The following GPR158 variants were observed in gnomAD, a reference collection of about 807,000 sequenced individuals.
The protein encoded by GPR158 is G protein-coupled receptor 158.
Under a neutral mutation model 78.2 loss-of-function variants are expected in GPR158, and 30 were observed. That is an observed-to-expected ratio of 0.38 (90% CI 0.29 to 0.52). The LOEUF (loss-of-function observed/expected upper bound fraction) is 0.52, where lower values mean the gene tolerates loss of function less well. Ranked by LOEUF, GPR158 falls within the 20% of genes least tolerant of loss-of-function variation. The pLI, the probability that GPR158 is intolerant of heterozygous loss-of-function variation, is 0.83. For missense variants in GPR158, 1,463 were observed against 1,523.5 expected (o/e 0.96, Z 0.66); for synonymous variants, 581 against 591.1 (o/e 0.98, Z 0.25).
At chr10:25,197,550 T>G (rs1469858289) in intron 1 of GPR158, among the ~76,000 whole-genome samples, 4 of 152,192 alleles carry the variant, frequency 2.6e-5, no homozygotes, top group Admixed American at 2.6e-4. Context: ...AAGATATATC[T>G]TTGCTTGAAA....
chr10:25,459,832 C>CAAAAAA, intron 4 of GPR158, among the ~76,000 whole-genome samples: 1 of 151,494 alleles, frequency 6.6e-6, no homozygotes, highest in Non-Finnish European at 1.5e-5. Flanking sequence ...TATAATTTGA[C>CAAAAAA]ATATTTTTTT....
intron 5 of GPR158, among the ~76,000 whole-genome samples, chr10:25,487,099 T>G (rs1485127164): frequency 1.3e-5 from 2 of 152,036 alleles, no homozygotes; most frequent in African/African-American, 4.8e-5. Context: ...TTCCTGGGAT[T>G]AAGAGGTGGA....
At chr10:25,422,792 G>A (rs1380656974) in intron 4 of GPR158, among the ~76,000 whole-genome samples, 2 of 151,454 alleles carry the variant, frequency 1.3e-5, no homozygotes, top group African/African-American at 4.9e-5. Flanking sequence ...TGAGATTTTG[G>A]TGCACCCATC....
At chr10:25,444,694 AT>A (rs1199849022) in intron 4 of GPR158, among the ~76,000 whole-genome samples, 1 of 151,952 alleles carries the variant, frequency 6.6e-6, no homozygotes, top group Non-Finnish European at 1.5e-5. Flanking sequence ...TGGTAAAAAA[AT>A]ACCCACCAGT....
At position 25,473,502 on chromosome 10, in the gene GPR158, G is replaced by A. The variant is rs1034215105; in HGVS notation, c.1404+6783G>A. Among the ~76,000 whole-genome samples the A allele has an allele frequency of 3.1e-4, 47 of 152,136 alleles. 1 individual carries two copies. The South Asian group carries it at 4.1e-3, about 13-fold the overall frequency. The stretch of plus-strand genomic sequence containing the variant: ...GTTAGGGAGGATTCCCTCTTTTTCT[G>A]TTGATTGGAATAGTGTCAGAAGGAA... On this transcript the variant is annotated intron_variant, in intron 5 of 10. Transcript: ENST00000376351.
At chr10:25,457,090 A>C (rs1329924819) in intron 4 of GPR158, among the ~76,000 whole-genome samples, 2 of 147,776 alleles carry the variant, frequency 1.4e-5, no homozygotes, top group Non-Finnish European at 3.0e-5. Context: ...CTCCTGCCTC[A>C]GCCTCCCTTG....
chr10:25,484,767 A>G (rs139050058), intron 5 of GPR158, among the ~76,000 whole-genome samples: 1 of 152,284 alleles, frequency 6.6e-6, no homozygotes, highest in East Asian at 1.9e-4. Context: ...TGTCTCTTCC[A>G]GTAGTTACTG....
intron 2 of GPR158, among the ~76,000 whole-genome samples, chr10:25,242,679 A>G (rs1229566073): frequency 6.6e-6 from 1 of 152,156 alleles, no homozygotes; most frequent in Non-Finnish European, 1.5e-5. Flanking sequence ...TTTATTTAAG[A>G]TTAATATCAG....
Position 25,214,836 on chromosome 10 carries a change from G to T in GPR158, c.903-6216G>T, listed in dbSNP as rs113655740. 5.9e-3 allele frequency among the ~76,000 whole-genome samples: 891 copies of T among 152,110 alleles called. 7 individuals are homozygous for T. Among genetic ancestry groups the T allele is most frequent in the African/African-American group, 0.02 (846 of 41,532 alleles). ...ACAAGTCAGGGAGAGAAGCTCAGAA[G>T]AAAGCAACTCTGCTGACTCCTTTAT... On this transcript the variant is annotated intron_variant, in intron 1 of 10. Transcript: ENST00000376351.
At chr10:25,274,978 C>T (rs1477370081) in intron 2 of GPR158, among the ~76,000 whole-genome samples, 2 of 152,162 alleles carry the variant, frequency 1.3e-5, no homozygotes, top group African/African-American at 4.8e-5. Flanking sequence ...AGAAATGTTT[C>T]CTTATTTGAA....
At chr10:25,434,135 T>C (rs954665656) in intron 4 of GPR158, among the ~76,000 whole-genome samples, 95 of 152,108 alleles carry the variant, frequency 6.2e-4, no homozygotes, top group African/African-American at 2.2e-3. Flanking sequence ...CACTCCAGCC[T>C]GGGCGACACA....
At position 25,355,217 on chromosome 10, in the gene GPR158, C is replaced by CT. The variant is rs776788230; in HGVS notation, c.1009-40686dup. Among the ~76,000 whole-genome samples, 21 of 128,736 alleles carry CT rather than the reference C, an allele frequency of 1.6e-4. 1 individual carries two copies. The highest frequency in any genetic ancestry group is 2.2e-4 in the Admixed American group (3 of 13,808). 84.5% of individuals were successfully genotyped at this position (128,736 alleles called of 152,430 possible). On this transcript the variant is annotated intron_variant, in intron 2 of 10. Coordinates refer to ENST00000376351, the MANE Select transcript of GPR158 (RefSeq NM_020752.3). ...TTGGTCTTTAGGTAATCTTTTTTAA[C>CT]TTTTTTTTCCTTTTTCTCCTCTTTA... is the stretch of plus-strand genomic sequence containing the variant.
At chr10:25,453,886 T>A (rs952755580) in intron 4 of GPR158, among the ~76,000 whole-genome samples, 1 of 152,236 alleles carries the variant, frequency 6.6e-6, no homozygotes, top group South Asian at 2.1e-4. Flanking sequence ...TTTGTTCTTT[T>A]GACTTGTAAT....
chr10:25,541,456 T>C (rs532550142), intron 5 of GPR158, among the ~76,000 whole-genome samples: 9 of 152,232 alleles, frequency 5.9e-5, no homozygotes, highest in African/African-American at 1.9e-4. Context: ...TTTTTAGTTA[T>C]GTTTAAGAAA....
intron 5 of GPR158, among the ~76,000 whole-genome samples, chr10:25,500,957 A>G (rs535381149): frequency 2.0e-5 from 3 of 152,228 alleles, no homozygotes; most frequent in East Asian, 1.9e-4. Context: ...AGTCACATTC[A>G]TACTGAAGGA....
At chr10:25,540,005 A>C (rs1468972598) in intron 5 of GPR158, among the ~76,000 whole-genome samples, 2 of 152,212 alleles carry the variant, frequency 1.3e-5, no homozygotes, top group African/African-American at 4.8e-5. Flanking sequence ...CAGAGTGAAC[A>C]GGCAACCTAC....
intron 2 of GPR158, among the ~76,000 whole-genome samples, chr10:25,325,845 T>A (rs2130484910): frequency 6.6e-6 from 1 of 152,300 alleles, no homozygotes; most frequent in South Asian, 2.1e-4. Context: ...TTTATTTGCA[T>A]TTCCCTGATG....
intron 1 of GPR158, among the ~76,000 whole-genome samples, chr10:25,205,490 C>T (rs894683887): frequency 6.6e-6 from 1 of 151,706 alleles, no homozygotes; most frequent in Non-Finnish European, 1.5e-5. Context: ...TTTATGCAAT[C>T]TCTAGTTCCT....
intron 3 of GPR158, among the ~76,000 whole-genome samples, chr10:25,410,854 G>A (rs1043224705): frequency 6.6e-6 from 1 of 152,096 alleles, no homozygotes; most frequent in African/African-American, 2.4e-5. Context: ...TTATGCTTTT[G>A]CTATTGTCTT....
Sources: allele counts gnomAD v4.1 joint callset (sites outside exome capture counted in the v4.1 genomes callset), GRCh38; gene constraint gnomAD v4.1.1; transcripts MANE v1.5; gene names NCBI Gene and HGNC (gene_info 2026-07-23, HGNC 2026-07-21).